Variants in ANKRD11 observed in about 807,000 individuals in gnomAD.
ANKRD11 encodes ankyrin repeat domain-containing protein 11.
A neutral mutation model predicts 195.7 loss-of-function variants in ANKRD11; 17 were observed. The ratio of observed to expected loss-of-function variants is 0.09; its 90% CI spans 0.06 to 0.13. ANKRD11 has a LOEUF of 0.13. Ranked by LOEUF, ANKRD11 falls within the 10% of genes least tolerant of loss-of-function variation. ANKRD11 has a pLI of 1.00. For synonymous variants in ANKRD11, 1,953 were observed against 1,528.1 expected, an observed-to-expected ratio of 1.28 and a Z score of -6.49; for missense variants, 3,735 against 3,566.1, an observed-to-expected ratio of 1.05 and a Z score of -1.21.
At chr16:89,344,283 C>T (rs964887369) in intron 2 of ANKRD11, among the ~76,000 whole-genome samples, 4 of 152,170 alleles carry the variant, frequency 2.6e-5, no homozygotes, top group South Asian at 4.1e-4. Context: ...GAGCCTCTAA[C>T]GAGCCTCAGC....
chr16:89,347,233 T>TA (rs1156504490), intron 2 of ANKRD11, among the ~76,000 whole-genome samples: 3 of 152,152 alleles, frequency 2.0e-5, no homozygotes, highest in Non-Finnish European at 4.4e-5. Context: ...TCTGGCAGTG[T>TA]AGCCTTGACA....
chr16:89,291,669 T>G lies in ANKRD11; in HGVS notation c.227-486A>C. 7.8e-7 allele frequency: 1 copy of G among 1,290,064 alleles called. No individual in the cohort carries two copies. Among genetic ancestry groups the G allele is most frequent in the Non-Finnish European group, 1.0e-6 (1 of 988,974 alleles). 79.9% of individuals were successfully genotyped at this position (1,290,064 alleles called of 1,614,324 possible). On this transcript the variant is annotated intron_variant, in intron 4 of 12. Coordinates refer to ENST00000301030, the MANE Select transcript of ANKRD11 (RefSeq NM_013275.6). This position sits in a 1 kb window ranked among gnomAD's most constrained non-coding sequence, Gnocchi z 5.3. ...ACATCAGTAAATCAAGGCCAACTGG[T>G]CAGTACTGTACCTTTCTTCTTGCTT...
Position 89,280,069 on chromosome 16 carries a change from T to C in ANKRD11, c.6473A>G (p.Glu2158Gly), listed in dbSNP as rs1351897319. The C allele has an allele frequency of 6.2e-7, 1 of 1,612,974 alleles. No individual in the cohort carries two copies. Among genetic ancestry groups the C allele is most frequent in the Non-Finnish European group, 8.5e-7 (1 of 1,179,970 alleles). Residue 2158 changes from glutamate to glycine, a missense_variant, in exon 9 of 13, where the codon GAA becomes GGA. By Grantham distance (98) the Glu-to-Gly change is moderately conservative. Coordinates refer to ENST00000301030, the MANE Select transcript of ANKRD11 (RefSeq NM_013275.6). ...AADGEAEPVE[E>G]SLAPPEEMPP... ...CATCTCTTCTGGAGGAGCAAGACTT[T>C]CTTCCACGGGTTCCGCTTCACCATC...
chr16:89,442,136 G>A (rs772687232), intron 1 of ANKRD11, among the ~76,000 whole-genome samples: 9 of 152,256 alleles, frequency 5.9e-5, no homozygotes, highest in Admixed American at 3.3e-4. Context: ...GCAGTGCACC[G>A]AGGGCCAAGG....
chr16:89,470,291 C>T (rs1037657209), intron 1 of ANKRD11, among the ~76,000 whole-genome samples: 6 of 152,134 alleles, frequency 3.9e-5, no homozygotes, highest in African/African-American at 1.4e-4. Flanking sequence ...TAGCTTATCA[C>T]TAAGATTCAA....
intron 1 of ANKRD11, among the ~76,000 whole-genome samples, chr16:89,463,195 G>T (rs534489530): frequency 6.6e-6 from 1 of 152,224 alleles, no homozygotes; most frequent in Non-Finnish European, 1.5e-5. Flanking sequence ...CATTGAGAAC[G>T]GGCCATGATG....
At chr16:89,387,729 A>T (rs2040984731) in intron 2 of ANKRD11, among the ~76,000 whole-genome samples, 2 of 144,040 alleles carry the variant, frequency 1.4e-5, no homozygotes. Context: ...TTGGCCGGGC[A>T]CGGTAGCTTG....
In ANKRD11 at chr16:89,281,300, C is replaced by A; in HGVS notation, c.5242G>T (p.Val1748Leu). 1.2e-6 allele frequency: 2 copies of A among 1,614,128 alleles called. No homozygotes were observed. The highest frequency in any genetic ancestry group is 2.2e-5 in the South Asian group (2 of 91,080). Residue 1748 changes from valine (V) to leucine (L), a missense_variant, in exon 9 of 13, where the codon GTG becomes TTG. Val to Leu is a conservative substitution (Grantham distance 32, BLOSUM62 1). Coordinates refer to ENST00000301030, the MANE Select transcript of ANKRD11 (RefSeq NM_013275.6). This position sits in a 1 kb window ranked among gnomAD's most constrained non-coding sequence, Gnocchi z 5.5. ...DCADSQHSTP[V>L]PTAPTSACSP... ...CAGGCGCTGGTGGGAGCGGTGGGCACGGGCGTGGAGTGCTGCGAGTCGGCG... is the reference window on the plus strand; with the variant it reads ...CAGGCGCTGGTGGGAGCGGTGGGCAAGGGCGTGGAGTGCTGCGAGTCGGCG...
chr16:89,481,832 C>A (rs2057454468), intron 1 of ANKRD11, among the ~76,000 whole-genome samples: 1 of 152,084 alleles, frequency 6.6e-6, no homozygotes, highest in Non-Finnish European at 1.5e-5. Flanking sequence ...TTGTCCCCAG[C>A]CTTCCCGAAG....
chr16:89,273,337 G>T (rs765788528), intron 11 of ANKRD11, among the ~76,000 whole-genome samples: 1 of 152,060 alleles, frequency 6.6e-6, no homozygotes, highest in Non-Finnish European at 1.5e-5. Flanking sequence ...TCTCACCTGC[G>T]GTACAAGAAT....
chr16:89,482,848 G>A (rs558655123), intron 1 of ANKRD11, among the ~76,000 whole-genome samples: 1 of 152,356 alleles, frequency 6.6e-6, no homozygotes, highest in South Asian at 2.1e-4. Context: ...TTTGAAGACT[G>A]AGGAAAGCAC....
intron 1 of ANKRD11, among the ~76,000 whole-genome samples, chr16:89,441,730 G>A (rs1301889700): frequency 8.2e-6 from 1 of 122,500 alleles, no homozygotes; most frequent in Non-Finnish European, 1.6e-5. Context: ...TCGTGCCACT[G>A]CACTCCAGCC....
At chr16:89,452,633 C>T (rs777293639) in intron 1 of ANKRD11, among the ~76,000 whole-genome samples, 3 of 151,640 alleles carry the variant, frequency 2.0e-5, no homozygotes, top group African/African-American at 7.3e-5. Context: ...AAAAATTAGC[C>T]GAGTGTGGTG....
intron 2 of ANKRD11, among the ~76,000 whole-genome samples, chr16:89,366,924 C>T (rs975329111): frequency 6.6e-5 from 10 of 152,290 alleles, no homozygotes; most frequent in Non-Finnish European, 1.3e-4. Flanking sequence ...ATGTGAAGAC[C>T]ATCCTTCGCA....
chr16:89,366,300 G>A (rs1000588273), intron 2 of ANKRD11, among the ~76,000 whole-genome samples: 1 of 152,244 alleles, frequency 6.6e-6, no homozygotes, highest in Admixed American at 6.5e-5. Context: ...TCGCCCGCAT[G>A]TGTCTTTATG....
intron 1 of ANKRD11, among the ~76,000 whole-genome samples, chr16:89,430,350 C>T (rs1001785389): frequency 6.9e-5 from 10 of 145,282 alleles, no homozygotes; most frequent in Middle Eastern, 3.7e-3. Flanking sequence ...ACAGCAGGGA[C>T]TCTCAACTCT....
chr16:89,303,044 C>A (rs1408172386), intron 4 of ANKRD11, among the ~76,000 whole-genome samples: 1 of 152,192 alleles, frequency 6.6e-6, no homozygotes, highest in South Asian at 2.1e-4. Flanking sequence ...AGCTTCTCTG[C>A]ACCATGATGA....
At chr16:89,344,563 C>T (rs1321527387) in intron 2 of ANKRD11, among the ~76,000 whole-genome samples, 1 of 152,212 alleles carries the variant, frequency 6.6e-6, no homozygotes, top group East Asian at 1.9e-4. Context: ...CTTGTCTGAA[C>T]GCTGCCTCAG....
At chr16:89,289,405 C>T (rs781555136) in intron 6 of ANKRD11, among the ~76,000 whole-genome samples, 1 of 152,198 alleles carries the variant, frequency 6.6e-6, no homozygotes, top group Non-Finnish European at 1.5e-5. Context: ...ACACTGTGGA[C>T]AGACAGTCCT....
Sources: allele counts gnomAD v4.1 joint callset (sites outside exome capture counted in the v4.1 genomes callset), GRCh38; gene constraint gnomAD v4.1.1; non-coding constraint Gnocchi (gnomAD v3.1); transcripts MANE v1.5; gene names NCBI Gene and HGNC (gene_info 2026-07-23, HGNC 2026-07-21).